CELSR1: variants seen among roughly 807,000 people sequenced by gnomAD.
CELSR1 encodes the protein cadherin EGF LAG seven-pass G-type receptor 1, also known as adhesion G protein-coupled receptor C1.
In CELSR1, 110 loss-of-function variants were observed where a neutral mutation model predicts 249.1. The observed-to-expected ratio is 0.44, with a 90% confidence interval of 0.38 to 0.52. The LOEUF (loss-of-function observed/expected upper bound fraction) is 0.52. CELSR1 is among the 20% of genes least tolerant of loss of function. The pLI, the probability that CELSR1 is intolerant of heterozygous loss-of-function variation, is 0.00. For synonymous variants in CELSR1, 2,113 were observed against 1,900.0 expected (o/e 1.11, Z -2.92); for missense variants, 4,109 against 4,296.4 (o/e 0.96, Z 1.22).
At position 46,537,589 on chromosome 22, in the gene CELSR1, C is replaced by A. The variant is rs2080873036; in HGVS notation, c.-419G>T. Among the ~76,000 whole-genome samples, 1 of 147,312 alleles carries A rather than the reference C, an allele frequency of 6.8e-6. No individual in the cohort carries two copies. Among genetic ancestry groups the A allele is most frequent in the South Asian group, 2.1e-4 (1 of 4,812 alleles). Reference sequence around the variant, plus strand: ...GGGCAGCTCCGCGCCGCGCAGACCCCGGCGGCCGGCTGCTGCCTGGGCGGT... The same window carrying A: ...GGGCAGCTCCGCGCCGCGCAGACCCAGGCGGCCGGCTGCTGCCTGGGCGGT... On this transcript the variant is annotated 5_prime_UTR_variant, in exon 1 of 35. Coordinates refer to ENST00000674500, the MANE Select transcript of CELSR1 (RefSeq NM_001378328.1). The surrounding 1 kb of genome is among the most constrained non-coding windows in gnomAD (Gnocchi z 5.8).
Position 46,512,788 on chromosome 22 carries a change from C to T in CELSR1, c.3544+20839G>A, listed in dbSNP as rs2080587051. Among the ~76,000 whole-genome samples, 1 of 152,206 alleles carries T rather than the reference C, an allele frequency of 6.6e-6. No homozygotes were observed. ...TTCCCTGCCATCCAGAGGAATTATT[C>T]AGACAAGCTACCCATGTGCCCCTGC... is the stretch of plus-strand genomic sequence containing the variant. On this transcript the variant is annotated intron_variant, in intron 1 of 34. Coordinates refer to ENST00000674500, the MANE Select transcript of CELSR1 (RefSeq NM_001378328.1). The surrounding 1 kb of genome is among the most constrained non-coding windows in gnomAD (Gnocchi z 5.2).
chr22:46,469,963 G>A (rs1479670885), intron 1 of CELSR1, among the ~76,000 whole-genome samples: 4 of 48,454 alleles, frequency 8.3e-5, no homozygotes, highest in Non-Finnish European at 1.6e-4. Context: ...ATTTGTGGAA[G>A]AAAGGGAGGG....
intron 2 of CELSR1, among the ~76,000 whole-genome samples, chr22:46,459,273 G>A (rs530857966): frequency 3.3e-5 from 5 of 152,186 alleles, no homozygotes; most frequent in South Asian, 2.1e-4. Flanking sequence ...ATTCAAAACC[G>A]AGTCCTAAGG....
At chr22:46,481,945 G>A (rs2080270799) in intron 1 of CELSR1, among the ~76,000 whole-genome samples, 1 of 152,042 alleles carries the variant, frequency 6.6e-6, no homozygotes, top group South Asian at 2.1e-4. Flanking sequence ...GCTAATTTTT[G>A]TATTTTTAGT....
rs1336470809 is a variant in CELSR1 at position 46,445,536 on chromosome 22, G to A, written c.4184-6125C>T. Among the ~76,000 whole-genome samples, 1 of 152,062 alleles carries A rather than the reference G, an allele frequency of 6.6e-6. No homozygotes were observed. The highest frequency in any genetic ancestry group is 2.4e-5 in the African/African-American group (1 of 41,402). ...ATAAAGACACCAGTCATTGGATTTA[G>A]GGTCCACCCTAAATCCACGATGACT... is the stretch of plus-strand genomic sequence containing the variant. On this transcript the variant is annotated intron_variant, in intron 2 of 34. Transcript: ENST00000674500. The surrounding 1 kb of genome is among the most constrained non-coding windows in gnomAD (Gnocchi z 4.4).
In CELSR1 at chr22:46,409,590, C is replaced by T. The variant is rs188229273; in HGVS notation, c.5059+165G>A. On this transcript the variant is annotated intron_variant, in intron 8 of 34. Coordinates refer to ENST00000674500, the MANE Select transcript of CELSR1 (RefSeq NM_001378328.1). The surrounding 1 kb of genome is among the most constrained non-coding windows in gnomAD (Gnocchi z 9.8). The stretch of plus-strand genomic sequence containing the variant: ...GCAGGAGCAGGGGCTCTGCGGAGGA[C>T]AGTCTCTTGGAGAGGGCGGTGTGAG... 1.3e-5 allele frequency among the ~76,000 whole-genome samples: 2 copies of T among 152,112 alleles called. No homozygotes were observed. The highest frequency in any genetic ancestry group is 4.1e-4 in the South Asian group (2 of 4,836).
chr22:46,523,088 C>T (rs558785520), intron 1 of CELSR1, among the ~76,000 whole-genome samples: 8 of 152,270 alleles, frequency 5.3e-5, no homozygotes, highest in Admixed American at 2.6e-4. Context: ...TTCTTATCTC[C>T]GAATGCTAAC....
At position 46,433,679 on chromosome 22, in the gene CELSR1, C is replaced by G. The variant is rs908291734; in HGVS notation, c.4523-198G>C. Among the ~76,000 whole-genome samples, 2 of 152,136 alleles carry G rather than the reference C, an allele frequency of 1.3e-5. No homozygotes were observed. Among genetic ancestry groups the G allele is most frequent in the Non-Finnish European group, 2.9e-5 (2 of 67,998 alleles). On this transcript the variant is annotated intron_variant, in intron 4 of 34. Transcript: ENST00000674500. This position sits in a 1 kb window ranked among gnomAD's most constrained non-coding sequence, Gnocchi z 5.7. ...CTGGTTACAAAAGTAATTCTTGTTC[C>G]TCTTTTCTGGTTTTGTTTGTTTTGA...
In CELSR1 at chr22:46,363,140, G is replaced by A. The variant is rs61411165; in HGVS notation, c.*83C>T. 4.3e-6 allele frequency: 7 copies of A among 1,613,706 alleles called. No homozygotes were observed. The South Asian group carries it at 6.6e-5, about 15-fold the overall frequency. ...TGGCCCCTTGGGCTCCAAGGTCTGA[G>A]GGTGATGCCGCAGCCTGTGTGGGGT... On this transcript the variant is annotated 3_prime_UTR_variant, in exon 35 of 35. Coordinates refer to ENST00000674500, the MANE Select transcript of CELSR1 (RefSeq NM_001378328.1). This position sits in a 1 kb window ranked among gnomAD's most constrained non-coding sequence, Gnocchi z 4.3.
chr22:46,364,362 C>T (rs1004368602), intron 33 of CELSR1, 111 bp from the exon 34 acceptor site: 8 of 1,523,042 alleles, frequency 5.3e-6, no homozygotes, highest in Admixed American at 4.1e-5. Flanking sequence ...CCTGGTTCCC[C>T]GGGTCCCAGG....
intron 20 of CELSR1, among the ~76,000 whole-genome samples, chr22:46,384,063 T>C (rs1430754299): frequency 6.6e-6 from 1 of 152,022 alleles, no homozygotes; most frequent in Non-Finnish European, 1.5e-5. Flanking sequence ...GCCTCCTGAG[T>C]AGCTGGGATT....
In CELSR1 at chr22:46,441,970, G is replaced by A. The variant is rs913697943; in HGVS notation, c.4184-2559C>T. ...TCAAGACCAGCCTAACCAACATGGT[G>A]AAACCTCATCTCTACTAAAAATACA... On this transcript the variant is annotated intron_variant, in intron 2 of 34. Transcript: ENST00000674500. This position sits in a 1 kb window ranked among gnomAD's most constrained non-coding sequence, Gnocchi z 6.1. Among the ~76,000 whole-genome samples the A allele has an allele frequency of 2.6e-5, 4 of 152,282 alleles. No homozygotes were observed. Among genetic ancestry groups the A allele is most frequent in the Admixed American group, 2.0e-4 (3 of 15,300 alleles).
rs1471256991 is a variant in CELSR1 at position 46,394,205 on chromosome 22, G to A, written c.5901C>T (p.His1967=). 1.2e-6 allele frequency: 2 copies of A among 1,614,044 alleles called. No individual in the cohort carries two copies. The highest frequency in any genetic ancestry group is 1.7e-6 in the Non-Finnish European group (2 of 1,179,986). Residue 1967 remains histidine (H), a synonymous_variant, in exon 14 of 35, where the codon CAC becomes CAT. Coordinates refer to ENST00000674500, the MANE Select transcript of CELSR1 (RefSeq NM_001378328.1). The part of the protein sequence containing the change: ...WWGNPVCGPC[H]CAVSKGFDPD... ...GATCAAAGCCTTTGCTGACGGCACA[G>A]TGGCAGGGTCCACAGACGGGGTTCC...
intron 1 of CELSR1, among the ~76,000 whole-genome samples, chr22:46,514,855 G>A (rs993357706): frequency 2.0e-5 from 3 of 152,132 alleles, no homozygotes; most frequent in Non-Finnish European, 2.9e-5. Context: ...CCACCCCAGG[G>A]ATGCCTGTCC....
At chr22:46,531,319 C>G (rs1030338494) in intron 1 of CELSR1, among the ~76,000 whole-genome samples, 2 of 152,084 alleles carry the variant, frequency 1.3e-5, no homozygotes, top group African/African-American at 2.4e-5. Flanking sequence ...AATTTTCCTG[C>G]CTCAGCCTCC....
At chr22:46,435,851 C>T (rs977469734) in intron 4 of CELSR1, among the ~76,000 whole-genome samples, 1 of 152,122 alleles carries the variant, frequency 6.6e-6, no homozygotes, top group African/African-American at 2.4e-5. Flanking sequence ...CAGGCGTGCA[C>T]CACCACGCCC....
At position 46,506,691 on chromosome 22, in the gene CELSR1, G is replaced by C. The variant is rs2080518191; in HGVS notation, c.3544+26936C>G. 6.6e-6 allele frequency among the ~76,000 whole-genome samples: 1 copy of C among 152,182 alleles called. No individual in the cohort carries two copies. Among genetic ancestry groups the C allele is most frequent in the Non-Finnish European group, 1.5e-5 (1 of 68,048 alleles). On this transcript the variant is annotated intron_variant, in intron 1 of 34. Transcript: ENST00000674500. This position sits in a 1 kb window ranked among gnomAD's most constrained non-coding sequence, Gnocchi z 4.1. ...CCCTCCCTACCCGCAGTGACGCACA[G>C]CCGCTGAGACAAGCCCAAATCGAGA...
Position 46,395,195 on chromosome 22 carries a change from T to C in CELSR1, c.5844-933A>G, listed in dbSNP as rs2079134975. On this transcript the variant is annotated intron_variant, in intron 13 of 34. Coordinates refer to ENST00000674500, the MANE Select transcript of CELSR1 (RefSeq NM_001378328.1). This position sits in a 1 kb window ranked among gnomAD's most constrained non-coding sequence, Gnocchi z 5.5. The stretch of plus-strand genomic sequence containing the variant: ...TGTGCAGCGTGGGGGCCCCAGAACC[T>C]TCATCCCCCTGCAGCAGTGGTGACT... Among the ~76,000 whole-genome samples the C allele has an allele frequency of 6.6e-6, 1 of 152,120 alleles. No homozygotes were observed. The highest frequency in any genetic ancestry group is 6.5e-5 in the Admixed American group (1 of 15,282).
In CELSR1 at chr22:46,453,405, A is replaced by G. The variant is rs2079909029; in HGVS notation, c.4183+10302T>C. Among the ~76,000 whole-genome samples the G allele has an allele frequency of 2.0e-5, 3 of 152,198 alleles. No individual in the cohort carries two copies. The South Asian group carries it at 6.2e-4, about 32-fold the overall frequency. On this transcript the variant is annotated intron_variant, in intron 2 of 34. Transcript: ENST00000674500. ...ACAGACAGTGCACTAGTGACAGATC[A>G]ACGTCCAGAAAAAATGAGCACGAAT...
Sources: allele counts gnomAD v4.1 joint callset (sites outside exome capture counted in the v4.1 genomes callset), GRCh38; gene constraint gnomAD v4.1.1; non-coding constraint Gnocchi (gnomAD v3.1); transcripts MANE v1.5; gene names NCBI Gene and HGNC (gene_info 2026-07-23, HGNC 2026-07-21).